AGBL4: variants seen among roughly 807,000 people sequenced by gnomAD.
The protein encoded by AGBL4 is cytosolic carboxypeptidase 6.
A neutral mutation model predicts 66.4 loss-of-function variants in AGBL4; 58 were observed. The observed-to-expected ratio is 0.87, with a 90% CI of 0.71 to 1.09. AGBL4 has a LOEUF of 1.09. AGBL4 is among the 50% of genes least tolerant of loss of function. The pLI, the probability that AGBL4 is intolerant of heterozygous loss-of-function variation, is 0.00. For missense variants in AGBL4, 579 were observed against 631.0 expected (o/e 0.92, Z 0.88); for synonymous variants, 234 against 222.9 (o/e 1.05, Z -0.44).
At chr1:48,730,747 G>A (rs1458424348) in intron 6 of AGBL4, among the ~76,000 whole-genome samples, 2 of 152,180 alleles carry the variant, frequency 1.3e-5, no homozygotes, top group African/African-American at 2.4e-5. Context: ...CTCCCTCTGC[G>A]AGGGAGCATT....
chr1:48,930,805 C>T (rs2025619), intron 5 of AGBL4, among the ~76,000 whole-genome samples: 35,004 of 151,462 alleles, frequency 0.23, 4,944 homozygotes, highest in African/African-American at 0.41. Context: ...GGTTCATTCA[C>T]TCATTCATTC....
At chr1:48,631,443 T>G (rs1645590911) in intron 9 of AGBL4, among the ~76,000 whole-genome samples, 1 of 152,208 alleles carries the variant, frequency 6.6e-6, no homozygotes, top group Non-Finnish European at 1.5e-5. Context: ...CAGGCTGGAG[T>G]GCAGTGGCGC....
chr1:49,752,761 T>G (rs1343909574), intron 2 of AGBL4, among the ~76,000 whole-genome samples: 1 of 152,222 alleles, frequency 6.6e-6, no homozygotes, highest in African/African-American at 2.4e-5. Flanking sequence ...CTCTATTCTG[T>G]GCATATATAT....
intron 9 of AGBL4, chr1:48,634,283 T>C (rs1312614217): frequency 2.3e-6 from 1 of 427,376 alleles, no homozygotes; most frequent in Non-Finnish European, 4.3e-6. Flanking sequence ...CCTCCAAAAC[T>C]GAATCCACTA....
At chr1:49,440,264 T>C (rs1186557384) in intron 3 of AGBL4, among the ~76,000 whole-genome samples, 1 of 152,014 alleles carries the variant, frequency 6.6e-6, no homozygotes, top group Non-Finnish European at 1.5e-5. Context: ...GAGACAGGGT[T>C]TCACTGTGTT....
At chr1:48,639,241 C>A (rs1645717102) in intron 8 of AGBL4, among the ~76,000 whole-genome samples, 1 of 152,194 alleles carries the variant, frequency 6.6e-6, no homozygotes, top group Non-Finnish European at 1.5e-5. Context: ...GTGAGTAGTA[C>A]CTGCATGGGC....
intron 5 of AGBL4, among the ~76,000 whole-genome samples, chr1:48,964,035 C>A (rs1382766889): frequency 2.6e-5 from 4 of 152,128 alleles, no homozygotes; most frequent in Non-Finnish European, 4.4e-5. Flanking sequence ...AATTCACAAT[C>A]AAAATCACAG....
At chr1:49,843,618 GA>G (rs1402059069) in intron 2 of AGBL4, among the ~76,000 whole-genome samples, 4 of 152,148 alleles carry the variant, frequency 2.6e-5, no homozygotes, top group African/African-American at 7.2e-5. Context: ...GGTCCACTCA[GA>G]TAATCCAGTA....
intron 6 of AGBL4, among the ~76,000 whole-genome samples, chr1:48,843,198 G>A (rs550863536): frequency 1.3e-5 from 2 of 152,122 alleles, no homozygotes; most frequent in Admixed American, 6.5e-5. Context: ...CAGGGCAGGG[G>A]TACCTTATAA....
At chr1:49,614,406 C>T (rs1645212822) in intron 3 of AGBL4, among the ~76,000 whole-genome samples, 1 of 152,096 alleles carries the variant, frequency 6.6e-6, no homozygotes, top group Non-Finnish European at 1.5e-5. Flanking sequence ...ATTCTCAATG[C>T]TGTATGGTAT....
intron 3 of AGBL4, among the ~76,000 whole-genome samples, chr1:49,415,247 T>A (rs535470228): frequency 6.6e-6 from 1 of 152,272 alleles, no homozygotes; most frequent in East Asian, 1.9e-4. Flanking sequence ...TACTACATTT[T>A]GAGCTCCTTA....
intron 2 of AGBL4, among the ~76,000 whole-genome samples, chr1:49,848,985 T>C (rs1003246279): frequency 9.9e-5 from 15 of 152,244 alleles, no homozygotes; most frequent in African/African-American, 3.4e-4. Flanking sequence ...GAAAATTTAA[T>C]GACATTGGCT....
chr1:48,849,248 A>G (rs1300682576), intron 6 of AGBL4, among the ~76,000 whole-genome samples: 1 of 152,226 alleles, frequency 6.6e-6, no homozygotes, highest in African/African-American at 2.4e-5. Context: ...CTTGTGGTAA[A>G]AACTGGCCTT....
chr1:48,958,814 T>C lies in AGBL4; in HGVS notation c.594+86770A>G, dbSNP rs570879615. On this transcript the variant is annotated intron_variant, in intron 5 of 13. Transcript: ENST00000371839. ...ACAGAGCCCCATGCTTTATGCTTGGTTCAATGCTCTGCTGTTGCCATCTTG... is the reference window on the plus strand; with the variant it reads ...ACAGAGCCCCATGCTTTATGCTTGGCTCAATGCTCTGCTGTTGCCATCTTG... Among the ~76,000 whole-genome samples the C allele has an allele frequency of 1.3e-3, 193 of 152,342 alleles. 7 individuals are homozygous for C. The South Asian group carries it at 0.039, about 31-fold the overall frequency.
chr1:49,087,359 T>C (rs1644926979), intron 4 of AGBL4, among the ~76,000 whole-genome samples: 1 of 152,074 alleles, frequency 6.6e-6, no homozygotes, highest in Non-Finnish European at 1.5e-5. Context: ...AATGACATAA[T>C]AGATAAAAGA....
Position 49,351,620 on chromosome 1 carries a change from A to G in AGBL4, c.283-105756T>C, listed in dbSNP as rs80347150. On this transcript the variant is annotated intron_variant, in intron 3 of 13. Coordinates refer to ENST00000371839, the MANE Select transcript of AGBL4 (RefSeq NM_032785.4). ...TCCCTATCTTTATTTAAATCATCCA[A>G]CTCTCAGTTGAGTGCTAGTGATGAA... Among the ~76,000 whole-genome samples the G allele has an allele frequency of 2.6e-3, 400 of 152,154 alleles. 3 individuals are homozygous for G. The highest frequency in any genetic ancestry group is 9.1e-3 in the African/African-American group (379 of 41,512).
intron 3 of AGBL4, among the ~76,000 whole-genome samples, chr1:49,477,062 C>T (rs1646861346): frequency 6.6e-6 from 1 of 152,010 alleles, no homozygotes; most frequent in Non-Finnish European, 1.5e-5. Context: ...AAATAGAATA[C>T]CAGGTAGGTT....
At chr1:49,708,144 T>C (rs943802048) in intron 2 of AGBL4, among the ~76,000 whole-genome samples, 29 of 152,106 alleles carry the variant, frequency 1.9e-4, no homozygotes, top group African/African-American at 7.0e-4. Flanking sequence ...TCCTGAAGAG[T>C]GTTTTCCAAC....
chr1:49,262,520 G>T (rs1653297138), intron 3 of AGBL4, among the ~76,000 whole-genome samples: 1 of 152,182 alleles, frequency 6.6e-6, no homozygotes, highest in Non-Finnish European at 1.5e-5. Flanking sequence ...CTTCTCAAAA[G>T]AAGATATTTA....
Sources: gnomAD v4.1 joint callset for allele counts (sites outside exome capture counted in the v4.1 genomes callset) on GRCh38, gnomAD v4.1.1 for gene constraint, MANE v1.5 for transcripts, NCBI Gene and HGNC (gene_info 2026-07-23, HGNC 2026-07-21) for gene names.